The following MAF variants were observed in gnomAD, a reference collection of about 807,000 sequenced individuals.
The protein encoded by MAF is transcription factor Maf.
In MAF, 10 loss-of-function variants were observed where a neutral mutation model predicts 22.0. The ratio of observed to expected loss-of-function variants is 0.45; its 90% CI spans 0.28 to 0.77. MAF has a LOEUF of 0.77. MAF is among the 30% of genes least tolerant of loss of function. The pLI is 0.12. For missense variants in MAF, 544 were observed against 548.4 expected, an observed-to-expected ratio of 0.99 and a Z score of 0.08; for synonymous variants, 337 against 255.8, an observed-to-expected ratio of 1.32 and a Z score of -3.03.
the MAF span, among the ~76,000 whole-genome samples, chr16:79,241,574 A>ACTCC: frequency 6.6e-6 from 1 of 152,128 alleles, no homozygotes; most frequent in East Asian, 1.9e-4. Context: ...TGATTGGTGT[A>ACTCC]CCTGAAAGTG....
At chr16:79,222,585 A>C in the MAF span, among the ~76,000 whole-genome samples, 1 of 152,214 alleles carries the variant, frequency 6.6e-6, no homozygotes, top group Non-Finnish European at 1.5e-5. Flanking sequence ...AGACTGGCAA[A>C]TTAGATAAAG....
At chr16:79,546,793 A>G in the MAF span, among the ~76,000 whole-genome samples, 2 of 152,212 alleles carry the variant, frequency 1.3e-5, no homozygotes, top group Non-Finnish European at 2.9e-5. Context: ...GAAAAGGCAC[A>G]TAAAGAGTTT....
chr16:79,356,211 C>G, the MAF span, among the ~76,000 whole-genome samples: 1 of 152,204 alleles, frequency 6.6e-6, no homozygotes, highest in Admixed American at 6.5e-5. Flanking sequence ...TGCACTCACA[C>G]ACCCTTGCAA....
the MAF span, among the ~76,000 whole-genome samples, chr16:79,271,345 G>A: frequency 6.6e-6 from 1 of 152,048 alleles, no homozygotes; most frequent in Non-Finnish European, 1.5e-5. Flanking sequence ...AAATTTCCCA[G>A]CCTCCCAATG....
At chr16:79,592,165 T>A (rs1913227233), downstream of MAF, among the ~76,000 whole-genome samples, 1 of 152,216 alleles carries the variant, frequency 6.6e-6, no homozygotes, top group South Asian at 2.1e-4. Context: ...GAGCCCGAGA[T>A]TTTATTTGCT....
At chr16:79,423,911 C>A in the MAF span, among the ~76,000 whole-genome samples, 2 of 152,160 alleles carry the variant, frequency 1.3e-5, no homozygotes, top group South Asian at 2.1e-4. Context: ...GTTCTCGAGT[C>A]TGGTACTAAA....
the MAF span, among the ~76,000 whole-genome samples, chr16:79,245,974 G>A: frequency 8.5e-5 from 13 of 152,116 alleles, 1 homozygote; most frequent in East Asian, 3.9e-4. Flanking sequence ...ACCAGACACC[G>A]CATGTTCTGA....
the MAF span, among the ~76,000 whole-genome samples, chr16:79,571,512 A>C: frequency 6.7e-6 from 1 of 149,276 alleles, no homozygotes; most frequent in Admixed American, 6.8e-5. Context: ...TACTACAAGA[A>C]AAAAACATCT....
the MAF span, among the ~76,000 whole-genome samples, chr16:79,261,109 T>C: frequency 6.6e-6 from 1 of 152,090 alleles, no homozygotes; most frequent in African/African-American, 2.4e-5. Flanking sequence ...GTGAGGAAGC[T>C]GGCAGGATGG....
chr16:79,541,702 C>T, the MAF span, among the ~76,000 whole-genome samples: 146 of 139,814 alleles, frequency 1.0e-3, 1 homozygote, highest in African/African-American at 3.7e-3. Context: ...TTCCAGTCTG[C>T]TGCCCAGGCT....
the MAF span, among the ~76,000 whole-genome samples, chr16:79,556,011 G>C: frequency 3.3e-5 from 5 of 151,760 alleles, no homozygotes; most frequent in South Asian, 4.1e-4. Context: ...AGTTTGTTTT[G>C]TTAGTTTAGT....
At chr16:79,254,045 A>G in the MAF span, among the ~76,000 whole-genome samples, 2 of 151,762 alleles carry the variant, frequency 1.3e-5, no homozygotes, top group African/African-American at 4.8e-5. Flanking sequence ...TTTTTATAAA[A>G]AACTCTTTAT....
the MAF span, among the ~76,000 whole-genome samples, chr16:79,524,360 G>A: frequency 7.9e-5 from 12 of 152,290 alleles, no homozygotes; most frequent in African/African-American, 2.6e-4. Flanking sequence ...ACTGGACTTT[G>A]AGGCTGGGTT....
At chr16:79,544,220 A>G in the MAF span, among the ~76,000 whole-genome samples, 3 of 152,236 alleles carry the variant, frequency 2.0e-5, no homozygotes, top group Admixed American at 6.5e-5. Flanking sequence ...AGTAGGAACT[A>G]GCTACATATG....
the MAF span, among the ~76,000 whole-genome samples, chr16:79,264,296 C>T: frequency 3.9e-5 from 6 of 152,320 alleles, no homozygotes; most frequent in East Asian, 5.8e-4. Flanking sequence ...AAACAACTGC[C>T]TGCCCTTGGA....
chr16:79,580,022 A>G, the MAF span, among the ~76,000 whole-genome samples: 1 of 152,102 alleles, frequency 6.6e-6, no homozygotes, highest in Non-Finnish European at 1.5e-5. Flanking sequence ...ACAAAATAGG[A>G]CGAAAACAAA....
the MAF span, among the ~76,000 whole-genome samples, chr16:79,280,136 TAAG>T: frequency 6.6e-6 from 1 of 152,184 alleles, no homozygotes; most frequent in South Asian, 2.1e-4. Flanking sequence ...CAGCTCTCTT[TAAG>T]AAGGGAAAAA....
the MAF span, among the ~76,000 whole-genome samples, chr16:79,235,450 T>C: frequency 6.6e-6 from 1 of 151,972 alleles, no homozygotes; most frequent in Non-Finnish European, 1.5e-5. Context: ...TAGTCCCAGC[T>C]ACACTGGAGG....
the MAF span, among the ~76,000 whole-genome samples, chr16:79,533,104 T>C: frequency 6.6e-6 from 1 of 152,226 alleles, no homozygotes; most frequent in African/African-American, 2.4e-5. Context: ...TATTTATCTA[T>C]GTCTTCACTG....
Sources: gnomAD v4.1 joint callset for allele counts (sites outside exome capture counted in the v4.1 genomes callset) on GRCh38, gnomAD v4.1.1 for gene constraint, MANE v1.5 for transcripts, NCBI Gene and HGNC (gene_info 2026-07-23, HGNC 2026-07-21) for gene names.